Variants in FGD6 observed in about 807,000 individuals in gnomAD.
FGD6 encodes the protein FYVE, RhoGEF and PH domain-containing protein 6.
FGD6 carries 90 observed loss-of-function variants against 149.4 expected under a neutral mutation model. The observed-to-expected ratio is 0.60, with a 90% CI of 0.51 to 0.72. The LOEUF (loss-of-function observed/expected upper bound fraction) is 0.72. Among genes scored for constraint, FGD6 ranks in the 30% least tolerant of loss-of-function variants. The probability of loss-of-function intolerance (pLI) is 0.00; values close to 1 mark genes in which losing one functional copy is unlikely to be tolerated. For synonymous variants in FGD6, 527 were observed against 584.0 expected (o/e 0.90, Z 1.41); for missense variants, 1,437 against 1,684.8 (o/e 0.85, Z 2.57).
intron 5 of FGD6, among the ~76,000 whole-genome samples, chr12:95,143,994 T>C (rs1879933859): frequency 2.6e-5 from 4 of 152,204 alleles, no homozygotes; most frequent in African/African-American, 9.7e-5. Flanking sequence ...TCCTCTGCCA[T>C]GACAGTGACA....
intron 18 of FGD6, among the ~76,000 whole-genome samples, chr12:95,087,292 C>T (rs1877912600): frequency 6.6e-6 from 1 of 152,168 alleles, no homozygotes; most frequent in South Asian, 2.1e-4. Context: ...TGTACATTCT[C>T]CTCCCCCTGA....
intron 5 of FGD6, among the ~76,000 whole-genome samples, chr12:95,148,413 T>G (rs1297655734): frequency 6.7e-6 from 1 of 149,018 alleles, no homozygotes; most frequent in South Asian, 2.1e-4. Flanking sequence ...CTAAAGAAAT[T>G]AGTGAAGCAA....
At chr12:95,204,171 CG>C (rs1311038991) in intron 2 of FGD6, among the ~76,000 whole-genome samples, 1 of 152,180 alleles carries the variant, frequency 6.6e-6, no homozygotes, top group African/African-American at 2.4e-5. Context: ...TCTGAGAACC[CG>C]GAGCGGTGAC....
intron 2 of FGD6, among the ~76,000 whole-genome samples, chr12:95,191,886 C>T (rs1005483165): frequency 1.3e-5 from 2 of 152,146 alleles, no homozygotes. Context: ...TAGGCACCCG[C>T]CACCACGCCT....
At chr12:95,194,708 A>G (rs1881692861) in intron 2 of FGD6, among the ~76,000 whole-genome samples, 1 of 152,228 alleles carries the variant, frequency 6.6e-6, no homozygotes, top group Non-Finnish European at 1.5e-5. Context: ...AAAATTATAT[A>G]GAATTAAATA....
chr12:95,185,415 T>C (rs1345884537), intron 2 of FGD6, among the ~76,000 whole-genome samples: 1 of 151,980 alleles, frequency 6.6e-6, no homozygotes, highest in Non-Finnish European at 1.5e-5. Flanking sequence ...CACAGTTTCA[T>C]ACATTTCTAC....
At chr12:95,168,067 A>AT (rs11418830) in intron 3 of FGD6, among the ~76,000 whole-genome samples, 132,716 of 151,798 alleles carry the variant, frequency 0.87, 58,362 homozygotes, top group African/African-American at 0.96. Flanking sequence ...TATTACACAC[A>AT]TTTTTTTTAA....
At chr12:95,124,683 G>A (rs933689002) in intron 8 of FGD6, among the ~76,000 whole-genome samples, 3 of 152,138 alleles carry the variant, frequency 2.0e-5, no homozygotes, top group African/African-American at 7.2e-5. Flanking sequence ...AGAATTTGGG[G>A]TATCTGCAAA....
chr12:95,136,929 A>G (rs1879682667), intron 7 of FGD6, among the ~76,000 whole-genome samples: 2 of 152,220 alleles, frequency 1.3e-5, no homozygotes, highest in Admixed American at 1.3e-4. Flanking sequence ...GAAAACTGTT[A>G]AAATGCTAAG....
chr12:95,085,789 A>G lies in FGD6; in HGVS notation c.4098T>C (p.Ala1366=). The part of the protein sequence containing the change: ...VIKNKVLYTY[A]ASEDVAALES... Reference sequence around the variant, plus strand: ...AGATTTCAGATCTTACCTCACTTGCAGCATATGTATATAGTACTTTATTTT... The same window carrying G: ...AGATTTCAGATCTTACCTCACTTGCGGCATATGTATATAGTACTTTATTTT... Residue 1366 remains alanine, a synonymous_variant, in exon 19 of 21, where the codon GCT becomes GCC. Transcript: ENST00000343958. 6.2e-7 allele frequency: 1 copy of G among 1,606,978 alleles called. No homozygotes were observed. Among genetic ancestry groups the G allele is most frequent in the Non-Finnish European group, 8.5e-7 (1 of 1,178,200 alleles).
chr12:95,213,524 A>G (rs574813345), intron 1 of FGD6, among the ~76,000 whole-genome samples: 2 of 152,368 alleles, frequency 1.3e-5, no homozygotes, highest in East Asian at 3.9e-4. Flanking sequence ...GTAAGACGGT[A>G]AATTTATCTT....
intron 7 of FGD6, among the ~76,000 whole-genome samples, chr12:95,136,462 G>A (rs1311395978): frequency 6.6e-6 from 1 of 152,192 alleles, no homozygotes; most frequent in Non-Finnish European, 1.5e-5. Flanking sequence ...AAACAGAGAA[G>A]TACTAAAATA....
intron 14 of FGD6, among the ~76,000 whole-genome samples, chr12:95,103,969 T>C (rs950438103): frequency 3.0e-4 from 46 of 152,254 alleles, no homozygotes; most frequent in Admixed American, 5.2e-4. Context: ...ACCTACCTCA[T>C]AGGTTTGTTA....
intron 7 of FGD6, among the ~76,000 whole-genome samples, chr12:95,135,456 A>G (rs947816360): frequency 1.3e-5 from 2 of 152,222 alleles, no homozygotes; most frequent in Admixed American, 6.5e-5. Context: ...ACATTTGATT[A>G]TGGAACCACA....
chr12:95,201,923 C>T (rs2056664301), intron 2 of FGD6, among the ~76,000 whole-genome samples: 1 of 150,984 alleles, frequency 6.6e-6, no homozygotes, highest in East Asian at 1.9e-4. Flanking sequence ...TTTCAGCTAT[C>T]TCAAAAAAAT....
chr12:95,108,586 G>A, intron 9 of FGD6, 25 bp from the exon 10 acceptor site: 1 of 1,613,260 alleles, frequency 6.2e-7, no homozygotes, highest in Non-Finnish European at 8.5e-7. Context: ...AACAAAACGT[G>A]CATTTAGTAA....
chr12:95,133,601 G>A (rs554874177), intron 8 of FGD6, among the ~76,000 whole-genome samples: 1 of 152,266 alleles, frequency 6.6e-6, no homozygotes, highest in Admixed American at 6.5e-5. Flanking sequence ...CAGAAACCCA[G>A]TACCTCCAAA....
chr12:95,092,959 G>A (rs1744895973), intron 15 of FGD6, 114 bp from the exon 16 acceptor site: 5 of 1,211,406 alleles, frequency 4.1e-6, no homozygotes, highest in South Asian at 1.5e-5. Context: ...AGCAGCTCAC[G>A]CCTGTAATCC....
In FGD6 at chr12:95,210,405, T is replaced by C. The variant is rs1317708670; in HGVS notation, c.879A>G (p.Ser293=). 1 of 1,613,966 alleles carries C rather than the reference T, an allele frequency of 6.2e-7. No individual in the cohort carries two copies. Among genetic ancestry groups the C allele is most frequent in the Non-Finnish European group, 8.5e-7 (1 of 1,180,014 alleles). The change falls in exon 2 of 21, where the codon TCA becomes TCG. Residue 293 remains serine (S), a synonymous_variant. Transcript: ENST00000343958. The part of the protein sequence containing the change: ...LISSDGVSKK[S]EVKDLGPLEI... ...CTAAGGGACCAAGGTCTTTGACTTC[T>C]GATTTCTTACTAACTCCATCTGAAG... is the stretch of plus-strand genomic sequence containing the variant.
Sources: allele counts gnomAD v4.1 joint callset (sites outside exome capture counted in the v4.1 genomes callset), GRCh38; gene constraint gnomAD v4.1.1; transcripts MANE v1.5; gene names NCBI Gene and HGNC (gene_info 2026-07-23, HGNC 2026-07-21).